The following PARD3 variants were observed in gnomAD, a reference collection of about 807,000 sequenced individuals.
PARD3 encodes the protein par-3 family cell polarity regulator.
Under a neutral mutation model 155.4 loss-of-function variants are expected in PARD3, and 75 were observed. That is an observed-to-expected ratio of 0.48 (90% CI 0.40 to 0.58). The LOEUF is 0.58. Ranked by LOEUF, PARD3 falls within the 20% of genes least tolerant of loss-of-function variation. The probability of loss-of-function intolerance (pLI) is 0.00; values close to 1 mark genes in which losing one functional copy is unlikely to be tolerated. For synonymous variants in PARD3, 576 were observed against 610.5 expected, an observed-to-expected ratio of 0.94 and a Z score of 0.83; for missense variants, 1,642 against 1,721.7, an observed-to-expected ratio of 0.95 and a Z score of 0.82.
chr10:34,717,663 C>T (rs753701184), intron 1 of PARD3, among the ~76,000 whole-genome samples: 6 of 152,138 alleles, frequency 3.9e-5, no homozygotes, highest in African/African-American at 1.2e-4. Flanking sequence ...TGGAGAAGAG[C>T]GTCCACGTGG....
intron 1 of PARD3, among the ~76,000 whole-genome samples, chr10:34,794,279 T>A (rs2134270295): frequency 6.6e-6 from 1 of 152,344 alleles, no homozygotes; most frequent in Non-Finnish European, 1.5e-5. Context: ...GACTTTTTAA[T>A]CTACTACAGA....
At chr10:34,171,256 T>C (rs1949775160) in intron 22 of PARD3, among the ~76,000 whole-genome samples, 1 of 152,210 alleles carries the variant, frequency 6.6e-6, no homozygotes, top group African/African-American at 2.4e-5. Flanking sequence ...TGGTTATGCA[T>C]CAGCTCAAAC....
At chr10:34,687,307 T>A (rs2093968075) in intron 2 of PARD3, among the ~76,000 whole-genome samples, 1 of 152,100 alleles carries the variant, frequency 6.6e-6, no homozygotes, top group Admixed American at 6.5e-5. Context: ...GATGGAAATG[T>A]GCCCCTGTTA....
chr10:34,750,192 A>G (rs902770888), intron 1 of PARD3, among the ~76,000 whole-genome samples: 1 of 152,140 alleles, frequency 6.6e-6, no homozygotes, highest in South Asian at 2.1e-4. Flanking sequence ...ATTCGCAAAA[A>G]TTATGAAAAC....
At chr10:34,546,466 G>A (rs997758117) in intron 2 of PARD3, among the ~76,000 whole-genome samples, 5 of 151,712 alleles carry the variant, frequency 3.3e-5, no homozygotes, top group East Asian at 1.9e-4. Context: ...GCAGCGAGCC[G>A]AGACTGTACC....
chr10:34,268,473 T>C (rs1339867343), intron 22 of PARD3, among the ~76,000 whole-genome samples: 3 of 78,684 alleles, frequency 3.8e-5, no homozygotes, highest in Non-Finnish European at 7.1e-5. Context: ...TAAAGACACA[T>C]GCACACTATG....
chr10:34,416,488 T>C (rs532985670), intron 5 of PARD3, among the ~76,000 whole-genome samples: 4 of 152,194 alleles, frequency 2.6e-5, no homozygotes, highest in African/African-American at 9.6e-5. Flanking sequence ...AGATGAGAGG[T>C]TCTACAGTAA....
At chr10:34,450,470 GGT>G in intron 4 of PARD3, 22 bp from the exon 5 acceptor site, 2 of 1,594,954 alleles carry the variant, frequency 1.3e-6, no homozygotes, top group Non-Finnish European at 1.7e-6. Flanking sequence ...GAAACAAAAA[GGT>G]GTCTTGTAAA....
intron 20 of PARD3, among the ~76,000 whole-genome samples, chr10:34,295,797 A>G (rs1202811425): frequency 2.0e-5 from 3 of 152,222 alleles, no homozygotes; most frequent in Non-Finnish European, 4.4e-5. Context: ...AGGAGTTCAG[A>G]GACTCTATTG....
chr10:34,251,971 A>G (rs527328494), intron 22 of PARD3, among the ~76,000 whole-genome samples: 16 of 152,270 alleles, frequency 1.1e-4, no homozygotes, highest in Non-Finnish European at 1.5e-4. Flanking sequence ...ACAACAGACA[A>G]CACCCCCTGC....
At chr10:34,368,370 C>T (rs934460345) in intron 12 of PARD3, among the ~76,000 whole-genome samples, 2 of 152,036 alleles carry the variant, frequency 1.3e-5, no homozygotes, top group African/African-American at 2.4e-5. Context: ...TCCGTATGGA[C>T]AGGCAAAGAA....
chr10:34,606,037 A>G (rs1368263059), intron 2 of PARD3, among the ~76,000 whole-genome samples: 2 of 136,898 alleles, frequency 1.5e-5, no homozygotes, highest in Non-Finnish European at 3.1e-5. Flanking sequence ...TCCTATATAT[A>G]TATATCTTCT....
At chr10:34,430,556 T>C (rs2075849112) in intron 5 of PARD3, among the ~76,000 whole-genome samples, 1 of 152,222 alleles carries the variant, frequency 6.6e-6, no homozygotes, top group South Asian at 2.1e-4. Context: ...TATTGAACCA[T>C]ATTATTTTAC....
At chr10:34,660,126 G>A (rs1419860821) in intron 2 of PARD3, among the ~76,000 whole-genome samples, 5 of 152,046 alleles carry the variant, frequency 3.3e-5, no homozygotes, top group South Asian at 2.1e-4. Context: ...ATAACTCTAA[G>A]AAAACACAAT....
chr10:34,270,676 C>T (rs146592544), intron 21 of PARD3, among the ~76,000 whole-genome samples: 59 of 152,144 alleles, frequency 3.9e-4, no homozygotes, highest in East Asian at 1.2e-3. Flanking sequence ...AGCTTAAACA[C>T]GAATCCACAC....
intron 22 of PARD3, among the ~76,000 whole-genome samples, chr10:34,256,811 G>T (rs545127271): frequency 6.6e-6 from 1 of 152,098 alleles, no homozygotes; most frequent in Admixed American, 6.5e-5. Context: ...TCTAACATTG[G>T]AGTCCATTTT....
At chr10:34,632,681 T>C (rs954974120) in intron 2 of PARD3, among the ~76,000 whole-genome samples, 3 of 152,148 alleles carry the variant, frequency 2.0e-5, no homozygotes, top group Admixed American at 2.0e-4. Context: ...AAAATAAGAA[T>C]CTTATGCAGT....
chr10:34,433,875 C>T (rs1051939672), intron 5 of PARD3, among the ~76,000 whole-genome samples: 1 of 151,998 alleles, frequency 6.6e-6, no homozygotes, highest in Non-Finnish European at 1.5e-5. Flanking sequence ...TGACAGAGAC[C>T]CAATGCCTCC....
At chr10:34,282,388 T>C (rs140348344) in intron 21 of PARD3, among the ~76,000 whole-genome samples, 135 of 152,196 alleles carry the variant, frequency 8.9e-4, no homozygotes, top group African/African-American at 3.0e-3. Context: ...GGTACAGAGA[T>C]GGAAATTAAA....
Sources: allele counts gnomAD v4.1 joint callset (sites outside exome capture counted in the v4.1 genomes callset), GRCh38; gene constraint gnomAD v4.1.1; transcripts MANE v1.5; gene names NCBI Gene and HGNC (gene_info 2026-07-23, HGNC 2026-07-21).